The following ATG4B variants were observed in gnomAD, a reference collection of about 807,000 sequenced individuals.
The protein encoded by ATG4B is cysteine protease ATG4B.
ATG4B carries 29 observed loss-of-function variants against 56.6 expected under a neutral mutation model. The observed-to-expected ratio is 0.51, with a 90% CI of 0.38 to 0.70. The LOEUF (loss-of-function observed/expected upper bound fraction) is 0.70. Ranked by LOEUF, ATG4B falls within the 30% of genes least tolerant of loss-of-function variation. The pLI is 0.00. For synonymous variants in ATG4B, 224 were observed against 206.1 expected, an observed-to-expected ratio of 1.09 and a Z score of -0.74; for missense variants, 461 against 515.5, an observed-to-expected ratio of 0.89 and a Z score of 1.02.
chr2:241,660,712 T>G (rs2068564572), intron 7 of ATG4B, among the ~76,000 whole-genome samples: 1 of 152,216 alleles, frequency 6.6e-6, no homozygotes, highest in Non-Finnish European at 1.5e-5. Flanking sequence ...TTACATAGTT[T>G]CCTAAGTATT....
At chr2:241,641,514 C>T (rs2067889159) in intron 1 of ATG4B, among the ~76,000 whole-genome samples, 1 of 149,706 alleles carries the variant, frequency 6.7e-6, no homozygotes, top group Non-Finnish European at 1.5e-5. Flanking sequence ...TGCGCCACTG[C>T]ACTCCAGCCT....
chr2:241,647,430 AACACAGTGAAACCCCGTCTCT>A (rs1208913004), intron 1 of ATG4B, among the ~76,000 whole-genome samples: 2 of 151,590 alleles, frequency 1.3e-5, no homozygotes, highest in African/African-American at 4.8e-5. Flanking sequence ...CATCCTGGCT[AACACAGTGAAACCCCGTCTCT>A]ACTAAAAAAA....
In ATG4B at chr2:241,672,478, G is replaced by A. The variant is rs1244575681; in HGVS notation, c.*214G>A. 2 of 588,010 alleles carry A rather than the reference G, an allele frequency of 3.4e-6. No homozygotes were observed. The highest frequency in any genetic ancestry group is 6.1e-6 in the Non-Finnish European group (2 of 330,420). 36.4% of individuals were successfully genotyped at this position (588,010 alleles called of 1,614,324 possible). On this transcript the variant is annotated 3_prime_UTR_variant, in exon 13 of 13. Transcript: ENST00000404914. The stretch of plus-strand genomic sequence containing the variant: ...CAGCTCAGAGTGCCCGTCAGGGCCT[G>A]TGCATCCGCACGCGGAGCCGTCTGT...
At chr2:241,637,905 C>T (rs554945033) in intron 1 of ATG4B, 181 bp downstream of exon 1, 16 of 170,198 alleles carry the variant, frequency 9.4e-5, no homozygotes, top group Non-Finnish European at 1.6e-4. Flanking sequence ...GCGGTGGGAG[C>T]GGGAGGGGGA....
intron 7 of ATG4B, among the ~76,000 whole-genome samples, chr2:241,663,924 C>T (rs974406539): frequency 6.6e-6 from 1 of 152,090 alleles, no homozygotes; most frequent in African/African-American, 2.4e-5. Flanking sequence ...ATTCCCCTGC[C>T]TCAGCCTCCT....
chr2:241,659,120 C>T lies in ATG4B; in HGVS notation c.471C>T (p.Val157=), dbSNP rs774193902. 1 of 1,607,918 alleles carries T rather than the reference C, an allele frequency of 6.2e-7. No homozygotes were observed. The highest frequency in any genetic ancestry group is 2.2e-5 in the East Asian group (1 of 44,788). The change falls in exon 7 of 13, where the codon GTC becomes GTT. Residue 157 remains valine (V), a synonymous_variant. Transcript: ENST00000404914. ...TVAQVLKKLA[V]FDTWSSLAVH... The stretch of plus-strand genomic sequence containing the variant: ...CTACTCTCTGTAGGAAGCTTGCTGT[C>T]TTCGATACGTGGAGCTCCTTGGCGG...
chr2:241,647,927 AAC>A (rs1249515983), intron 1 of ATG4B, among the ~76,000 whole-genome samples: 2 of 152,020 alleles, frequency 1.3e-5, no homozygotes, highest in African/African-American at 4.8e-5. Context: ...CAGCCTGGCT[AAC>A]ACAGTGAAAC....
At chr2:241,649,494 G>A (rs905680365) in intron 1 of ATG4B, among the ~76,000 whole-genome samples, 3 of 152,212 alleles carry the variant, frequency 2.0e-5, no homozygotes, top group African/African-American at 7.2e-5. Flanking sequence ...AAAGTTGCTG[G>A]TGAAGGATGA....
At chr2:241,652,092 T>C (rs2125124144) in intron 3 of ATG4B, 1 of 604,124 alleles carries the variant, frequency 1.7e-6, no homozygotes. Flanking sequence ...CCACAACGGC[T>C]GGACATTGGA....
At chr2:241,645,261 T>G in intron 1 of ATG4B, among the ~76,000 whole-genome samples, 1 of 149,708 alleles carries the variant, frequency 6.7e-6, no homozygotes, top group East Asian at 1.9e-4. Flanking sequence ...ATTGGCTCTT[T>G]TGTAGGAATC....
intron 1 of ATG4B, among the ~76,000 whole-genome samples, chr2:241,642,840 C>T (rs1420134206): frequency 7.8e-6 from 1 of 128,562 alleles, no homozygotes; most frequent in Non-Finnish European, 1.6e-5. Context: ...CTAAGGGGGA[C>T]TCTTTCTTAA....
chr2:241,655,237 G>T (rs763016963), intron 5 of ATG4B, 34 bp from the exon 6 acceptor site: 3 of 1,590,576 alleles, frequency 1.9e-6, no homozygotes, highest in Non-Finnish European at 2.6e-6. Flanking sequence ...CTGGGGGCGG[G>T]TGTGTGTTGC....
At chr2:241,641,031 T>G (rs539902533) in intron 1 of ATG4B, among the ~76,000 whole-genome samples, 1 of 152,310 alleles carries the variant, frequency 6.6e-6, no homozygotes, top group African/African-American at 2.4e-5. Flanking sequence ...GAGAATGTAC[T>G]GCAGAGGGGC....
Position 241,671,324 on chromosome 2 carries a change from G to A in ATG4B, c.1027G>A (p.Gly343Arg). The A allele has an allele frequency of 6.2e-7, 1 of 1,613,216 alleles. No homozygotes were observed. Among genetic ancestry groups the A allele is most frequent in the Non-Finnish European group, 8.5e-7 (1 of 1,179,598 alleles). The stretch of plus-strand genomic sequence containing the variant: ...GTCTCACTAACAGCTGTCTCTGCTT[G>A]GAGGTGCCCTGCCCATGTTTGAGCT... ...CQQVKKLSLL[G>R]GALPMFELVE... The change falls in exon 12 of 13, where the codon GGA (glycine) becomes AGA (arginine). Residue 343 changes from glycine (G) to arginine (R), a missense_variant. Coordinates refer to ENST00000404914, the MANE Select transcript of ATG4B (RefSeq NM_013325.5).
In ATG4B at chr2:241,653,535, A is replaced by G; in HGVS notation, c.208A>G (p.Thr70Ala). 6.3e-7 allele frequency: 1 copy of G among 1,584,156 alleles called. No homozygotes were observed. The highest frequency in any genetic ancestry group is 1.8e-5 in the Admixed American group (1 of 55,498). The stretch of plus-strand genomic sequence containing the variant: ...AGGGGGGACAGGCCCCACCTCGGAC[A>G]CAGGCTGGGGCTGCATGCTGCGGTG... ...AIGGTGPTSDTGWGCMLRCGQ... is the reference protein window; with the variant it reads ...AIGGTGPTSDAGWGCMLRCGQ... The change falls in exon 4 of 13, where the codon ACA becomes GCA. Residue 70 changes from threonine (T) to alanine (A), a missense_variant. Physicochemically the swap from Thr to Ala is moderately conservative, Grantham distance 58. Transcript: ENST00000404914.
chr2:241,640,793 GC>G (rs2067860588), intron 1 of ATG4B, among the ~76,000 whole-genome samples: 1 of 152,150 alleles, frequency 6.6e-6, no homozygotes, highest in African/African-American at 2.4e-5. Flanking sequence ...GCAGCGGGTG[GC>G]GGTGGGAGAA....
chr2:241,661,355 T>C (rs2068587903), intron 7 of ATG4B, among the ~76,000 whole-genome samples: 1 of 152,160 alleles, frequency 6.6e-6, no homozygotes, highest in Admixed American at 6.5e-5. Context: ...TTCCTGAGTG[T>C]GGCGTGGTGT....
Position 241,651,428 on chromosome 2 carries a change from G to A in ATG4B, c.184+93G>A, listed in dbSNP as rs2068227338. 1.0e-5 allele frequency: 10 copies of A among 954,076 alleles called. No homozygotes were observed. Among genetic ancestry groups the A allele is most frequent in the Non-Finnish European group, 1.4e-5 (9 of 626,832 alleles). The allele number at this position is 954,076 out of a possible 1,614,324, so 59.1% of individuals were successfully genotyped here. Reference sequence around the variant, plus strand: ...GTAGATTTGACTTCAATATGCCACTGACTTCATTTGAATCTTCACAGCAAT... The same window carrying A: ...GTAGATTTGACTTCAATATGCCACTAACTTCATTTGAATCTTCACAGCAAT... On this transcript the variant is annotated intron_variant, in intron 3 of 12. Coordinates refer to ENST00000404914, the MANE Select transcript of ATG4B (RefSeq NM_013325.5). This position sits in a 1 kb window ranked among gnomAD's most constrained non-coding sequence, Gnocchi z 4.1.
intron 3 of ATG4B, among the ~76,000 whole-genome samples, chr2:241,652,750 G>A (rs866811520): frequency 1.6e-4 from 25 of 152,292 alleles, no homozygotes; most frequent in African/African-American, 6.0e-4. Flanking sequence ...GGTGGGTGAC[G>A]GCCACCACTA....
Sources: gnomAD v4.1 joint callset for allele counts (sites outside exome capture counted in the v4.1 genomes callset) on GRCh38, gnomAD v4.1.1 for gene constraint, Gnocchi (gnomAD v3.1) non-coding constraint, MANE v1.5 for transcripts, NCBI Gene and HGNC (gene_info 2026-07-23, HGNC 2026-07-21) for gene names.